The following VPS13D variants were observed in gnomAD, a reference collection of about 807,000 sequenced individuals.
VPS13D encodes vacuolar protein sorting 13 homolog D.
A neutral mutation model predicts 461.9 loss-of-function variants in VPS13D; 187 were observed. The ratio of observed to expected loss-of-function variants is 0.40; its 90% confidence interval spans 0.36 to 0.46. The LOEUF (loss-of-function observed/expected upper bound fraction) is 0.46. VPS13D is among the 20% of genes least tolerant of loss of function. The pLI is 0.60. For missense variants in VPS13D, 4,711 were observed against 5,364.9 expected, an observed-to-expected ratio of 0.88 and a Z score of 3.81; for synonymous variants, 1,951 against 1,986.3, an observed-to-expected ratio of 0.98 and a Z score of 0.47.
intron 52 of VPS13D, among the ~76,000 whole-genome samples, chr1:12,364,049 T>C (rs1485313341): frequency 6.6e-6 from 1 of 152,028 alleles, no homozygotes. Context: ...AAAAAAATTA[T>C]TTAAAAATAT....
chr1:12,489,438 T>C (rs1645846048), intron 67 of VPS13D, among the ~76,000 whole-genome samples: 1 of 152,258 alleles, frequency 6.6e-6, no homozygotes, highest in African/African-American at 2.4e-5. Context: ...TCTAATGATT[T>C]CTTGAATCAA....
At chr1:12,323,249 T>C (rs1407399106) in intron 34 of VPS13D, among the ~76,000 whole-genome samples, 1 of 146,922 alleles carries the variant, frequency 6.8e-6, no homozygotes, top group Non-Finnish European at 1.5e-5. Flanking sequence ...AATTTTTACC[T>C]TTTTTTTTTA....
chr1:12,348,599 T>C (rs997642847), intron 44 of VPS13D, among the ~76,000 whole-genome samples: 1 of 152,128 alleles, frequency 6.6e-6, no homozygotes, highest in Non-Finnish European at 1.5e-5. Context: ...CACATCTGAG[T>C]GGATTATCTG....
intron 24 of VPS13D, among the ~76,000 whole-genome samples, chr1:12,296,595 A>C (rs1642284818): frequency 6.6e-6 from 1 of 152,176 alleles, no homozygotes; most frequent in Non-Finnish European, 1.5e-5. Flanking sequence ...TTAACATTTA[A>C]ATTGCTTTCA....
intron 55 of VPS13D, among the ~76,000 whole-genome samples, chr1:12,375,920 A>G (rs1644192407): frequency 6.6e-6 from 1 of 152,214 alleles, no homozygotes; most frequent in South Asian, 2.1e-4. Flanking sequence ...AGATTTTAGA[A>G]CTAAATTATT....
chr1:12,310,187 C>G (rs1642693244), intron 27 of VPS13D, among the ~76,000 whole-genome samples: 1 of 152,150 alleles, frequency 6.6e-6, no homozygotes, highest in Non-Finnish European at 1.5e-5. Context: ...TCTGTTAGGC[C>G]TGATAGAAGG....
At chr1:12,246,721 A>G (rs1640562761) in intron 5 of VPS13D, among the ~76,000 whole-genome samples, 1 of 152,200 alleles carries the variant, frequency 6.6e-6, no homozygotes, top group African/African-American at 2.4e-5. Context: ...GAGCTTTACC[A>G]GGCAAGAACT....
At chr1:12,349,981 A>G (rs1643760399) in intron 46 of VPS13D, among the ~76,000 whole-genome samples, 1 of 152,234 alleles carries the variant, frequency 6.6e-6, no homozygotes, top group African/African-American at 2.4e-5. Flanking sequence ...ACAGGCATTC[A>G]TTTAGTCTAA....
rs747066617 is a variant in VPS13D, at chr1:12,293,719, C to A, written c.6033+15C>A. On this transcript the variant is annotated intron_variant, in intron 24 of 69. Coordinates refer to ENST00000620676, the MANE Select transcript of VPS13D (RefSeq NM_015378.4). ...AGGGGCAGACGGTAGGTAGCCTGGG[C>A]CCTCCAAGCTGCTTTTCCAGTTTGA... 2.5e-6 allele frequency: 4 copies of A among 1,608,290 alleles called. No individual in the cohort carries two copies. Among genetic ancestry groups the A allele is most frequent in the Non-Finnish European group, 3.4e-6 (4 of 1,177,926 alleles).
At chr1:12,420,695 G>A (rs1312745519) in intron 65 of VPS13D, among the ~76,000 whole-genome samples, 1 of 152,102 alleles carries the variant, frequency 6.6e-6, no homozygotes, top group East Asian at 1.9e-4. Flanking sequence ...GGGGAGCTTG[G>A]GGCTGGTAGT....
At position 12,308,547 on chromosome 1, in the gene VPS13D, C is replaced by G. The variant is rs138572496; in HGVS notation, c.6556C>G (p.Leu2186Val). The change falls in exon 27 of 70, where the codon CTG (leucine) becomes GTG (valine). Residue 2186 changes from leucine (L) to valine (V), a missense_variant. Physicochemically the swap from Leu to Val is conservative, Grantham distance 32 (BLOSUM62 1). This residue lies in a region of VPS13D where 4,411 missense variants were observed against 4,937.8 expected (regional missense o/e 0.89). Coordinates refer to ENST00000620676, the MANE Select transcript of VPS13D (RefSeq NM_015378.4). ...SKAPEDSSGD[L>V]IFPSYFVRQT... ...GGCACCAGAGGATAGTAGTGGAGAT[C>G]TGATCTTCCCTTCCTATTTTGTGCG... 5.6e-6 allele frequency: 9 copies of G among 1,613,976 alleles called. No individual in the cohort carries two copies. Among genetic ancestry groups the G allele is most frequent in the Admixed American group, 5.0e-5 (3 of 59,980 alleles).
In VPS13D at chr1:12,310,912, C is replaced by CCTCCTTCCCTCCCTCT. The variant is rs1557701454; in HGVS notation, c.6651-538_6651-537insTTCCCTCCCTCTCTCC. On this transcript the variant is annotated intron_variant, in intron 27 of 69. Transcript: ENST00000620676. ...CCCTCCTTCCCTCCTTCCCTCCTTC[C>CCTCCTTCCCTCCCTCT]CTCCCTCTCTCCCTCTCTCCCTCCC... Among the ~76,000 whole-genome samples, 37 of 119,268 alleles carry CCTCCTTCCCTCCCTCT rather than the reference C, an allele frequency of 3.1e-4. 1 individual carries two copies. Among genetic ancestry groups the CCTCCTTCCCTCCCTCT allele is most frequent in the African/African-American group, 1.2e-3 (28 of 22,838 alleles). 78.2% of individuals were successfully genotyped at this position (119,268 alleles called of 152,430 possible). A position where few individuals can be genotyped will look rare whatever the true frequency, so the allele number is the denominator to read the frequency against.
chr1:12,373,723 G>A, intron 54 of VPS13D, 27 bp from the exon 55 acceptor site: 2 of 1,284,806 alleles, frequency 1.6e-6, no homozygotes, highest in Non-Finnish European at 2.0e-6. Context: ...ATATTTTTAT[G>A]TAATATATAT....
intron 67 of VPS13D, among the ~76,000 whole-genome samples, chr1:12,485,152 T>G (rs948462993): frequency 1.3e-5 from 2 of 152,236 alleles, no homozygotes; most frequent in Non-Finnish European, 2.9e-5. Flanking sequence ...TTTAAATGTA[T>G]GGGGAGCCAA....
intron 56 of VPS13D, 120 bp from the exon 57 acceptor site, chr1:12,379,368 A>G: frequency 1.2e-6 from 1 of 817,044 alleles, no homozygotes; most frequent in Non-Finnish European, 1.9e-6. Context: ...CTACCCATTC[A>G]GTTTTAAGGG....
chr1:12,321,970 G>A lies in VPS13D; in HGVS notation c.7704+6G>A. On this transcript the variant is annotated splice_donor_region_variant and intron_variant, in intron 33 of 69. Coordinates refer to ENST00000620676, the MANE Select transcript of VPS13D (RefSeq NM_015378.4). ...ATTTCCCACCTGTCCTGGAGGTAATGATGCAAAATCTGTGCAATACGTTGA... is the reference window on the plus strand; with the variant it reads ...ATTTCCCACCTGTCCTGGAGGTAATAATGCAAAATCTGTGCAATACGTTGA... 6.2e-7 allele frequency: 1 copy of A among 1,613,282 alleles called. No individual in the cohort carries two copies. Among genetic ancestry groups the A allele is most frequent in the South Asian group, 1.1e-5 (1 of 90,900 alleles).
At chr1:12,282,559 C>G in intron 20 of VPS13D, 146 bp from the exon 21 acceptor site, 1 of 799,806 alleles carries the variant, frequency 1.3e-6, no homozygotes, top group Non-Finnish European at 2.0e-6. Context: ...GAGGTAAGGA[C>G]AAAATAAATG....
chr1:12,317,203 ATCT>A (rs1436466367), intron 30 of VPS13D, among the ~76,000 whole-genome samples: 5 of 152,086 alleles, frequency 3.3e-5, no homozygotes, highest in African/African-American at 7.2e-5. Context: ...TGCCTCATTG[ATCT>A]TCTTGAAATA....
intron 5 of VPS13D, among the ~76,000 whole-genome samples, chr1:12,247,898 T>C (rs531811462): frequency 6.6e-6 from 1 of 151,518 alleles, no homozygotes; most frequent in East Asian, 1.9e-4. Context: ...TTTTTTTTTT[T>C]TTTTGAGACA....
Sources: allele counts gnomAD v4.1 joint callset (sites outside exome capture counted in the v4.1 genomes callset), GRCh38; gene constraint gnomAD v4.1.1; regional missense constraint gnomAD v4.1.1; transcripts MANE v1.5; gene names NCBI Gene and HGNC (gene_info 2026-07-23, HGNC 2026-07-21).